HSF2BP: variants seen among roughly 807,000 people sequenced by gnomAD.
HSF2BP encodes the protein heat shock factor 2-binding protein.
In HSF2BP, 35 loss-of-function variants were observed where a neutral mutation model predicts 35.0. That is an observed-to-expected ratio of 1.00 (90% CI 0.76 to 1.32). HSF2BP has a LOEUF of 1.32. Among genes scored for constraint, HSF2BP ranks in the 40% most tolerant of loss-of-function variants. HSF2BP has a pLI of 0.00. For missense variants in HSF2BP, 326 were observed against 321.7 expected (o/e 1.01, Z -0.10); for synonymous variants, 114 against 117.4 (o/e 0.97, Z 0.18).
At chr21:43,643,814 C>T (rs936927262) in intron 4 of HSF2BP, among the ~76,000 whole-genome samples, 5 of 152,092 alleles carry the variant, frequency 3.3e-5, no homozygotes, top group African/African-American at 9.6e-5. Context: ...AAAACTTAGC[C>T]GGCCGTGGTG....
At chr21:43,624,799 G>A (rs1004046431) in intron 6 of HSF2BP, among the ~76,000 whole-genome samples, 2 of 152,116 alleles carry the variant, frequency 1.3e-5, no homozygotes, top group African/African-American at 4.8e-5. Context: ...AGGAAGTTAA[G>A]CAGTTAATCT....
chr21:43,580,546 C>T (rs2146702943), intron 8 of HSF2BP, among the ~76,000 whole-genome samples: 1 of 152,328 alleles, frequency 6.6e-6, no homozygotes, highest in South Asian at 2.1e-4. Flanking sequence ...GAAAGGCTGA[C>T]ACCTTTGTTC....
chr21:43,607,025 G>A (rs984713800), intron 7 of HSF2BP, among the ~76,000 whole-genome samples: 6 of 152,124 alleles, frequency 3.9e-5, no homozygotes, highest in Admixed American at 3.9e-4. Context: ...GGTGGCTCAA[G>A]CCTGTAGTCC....
intron 8 of HSF2BP, among the ~76,000 whole-genome samples, chr21:43,589,620 C>G (rs1161180040): frequency 6.6e-6 from 1 of 152,056 alleles, no homozygotes; most frequent in African/African-American, 2.4e-5. Context: ...TATTATAAAG[C>G]TATCAAGATT....
intron 4 of HSF2BP, among the ~76,000 whole-genome samples, chr21:43,642,022 G>T (rs1437187099): frequency 6.6e-6 from 1 of 151,974 alleles, no homozygotes; most frequent in Non-Finnish European, 1.5e-5. Flanking sequence ...AGGGCCAGGT[G>T]CAGTGGCCCA....
chr21:43,592,829 C>A (rs1045405265), intron 7 of HSF2BP, among the ~76,000 whole-genome samples: 3 of 152,190 alleles, frequency 2.0e-5, no homozygotes, highest in African/African-American at 7.2e-5. Flanking sequence ...CCATCCCTCA[C>A]AACCAACAGA....
intron 3 of HSF2BP, among the ~76,000 whole-genome samples, chr21:43,653,219 A>AAGGGAAGGGGAGGGG (rs2082818094): frequency 8.7e-6 from 1 of 115,296 alleles, no homozygotes; most frequent in East Asian, 3.0e-4. Context: ...AGGGAAGGGG[A>AAGGGAAGGGGAGGGG]AGGGAAGGGA....
At chr21:43,633,864 G>A (rs1182723677) in intron 4 of HSF2BP, among the ~76,000 whole-genome samples, 1 of 152,126 alleles carries the variant, frequency 6.6e-6, no homozygotes, top group Non-Finnish European at 1.5e-5. Flanking sequence ...ATCTGCCAGA[G>A]GCAGACACCA....
At chr21:43,634,289 G>A (rs1166646758) in intron 4 of HSF2BP, among the ~76,000 whole-genome samples, 3 of 152,156 alleles carry the variant, frequency 2.0e-5, no homozygotes, top group Non-Finnish European at 2.9e-5. Context: ...AGCACACTTC[G>A]AGGATTCACC....
At chr21:43,643,278 G>A (rs982747964) in intron 4 of HSF2BP, among the ~76,000 whole-genome samples, 5 of 151,604 alleles carry the variant, frequency 3.3e-5, no homozygotes, top group Admixed American at 6.6e-5. Flanking sequence ...TTTTTCCTCC[G>A]AGACTCTCAT....
At chr21:43,635,023 G>A (rs1435774850) in intron 4 of HSF2BP, among the ~76,000 whole-genome samples, 2 of 151,962 alleles carry the variant, frequency 1.3e-5, no homozygotes, top group Non-Finnish European at 2.9e-5. Flanking sequence ...GTCACATTTG[G>A]TAGTTGCAGG....
chr21:43,618,504 G>A (rs11911856), intron 6 of HSF2BP, among the ~76,000 whole-genome samples: 6,239 of 152,146 alleles, frequency 0.041, 440 homozygotes, highest in African/African-American at 0.14. Flanking sequence ...ACAAATCAAT[G>A]GAGAAATGAT....
chr21:43,615,867 A>G (rs1271980663), intron 6 of HSF2BP, among the ~76,000 whole-genome samples: 1 of 152,082 alleles, frequency 6.6e-6, no homozygotes. Flanking sequence ...ACTTCAGATA[A>G]TATACTGAAA....
chr21:43,653,496 G>C (rs2082824507), intron 3 of HSF2BP, among the ~76,000 whole-genome samples: 1 of 152,198 alleles, frequency 6.6e-6, no homozygotes, highest in Non-Finnish European at 1.5e-5. Flanking sequence ...CATTTCAAAG[G>C]AAGATTGATC....
At position 43,594,708 on chromosome 21, in the gene HSF2BP, TGGGAGGAAGGGAAGGAGGGAGACAGGGA is replaced by T. The variant is rs893187391; in HGVS notation, c.693-2408_693-2381del. On this transcript the variant is annotated intron_variant, in intron 7 of 8. Coordinates refer to ENST00000291560, the MANE Select transcript of HSF2BP (RefSeq NM_007031.2). ...GGAGAGAGAGAAGGAAGAAAGACGG[TGGGAGGAAGGGAAGGAGGGAGACAGGGA>T]GGGAGGAAGCGAGGGAGAAAGAGAG... 3.4e-4 allele frequency among the ~76,000 whole-genome samples: 49 copies of T among 144,896 alleles called. 1 individual carries two copies. The highest frequency in any genetic ancestry group is 1.1e-3 in the African/African-American group (44 of 38,908).
At chr21:43,605,374 GACACACACACC>G (rs1214356377) in intron 7 of HSF2BP, among the ~76,000 whole-genome samples, 31 of 86,612 alleles carry the variant, frequency 3.6e-4, no homozygotes, top group Admixed American at 8.0e-4. Flanking sequence ...CCCACCCCCC[GACACACACACC>G]ACACACACAC....
chr21:43,594,275 A>T (rs541550025), intron 7 of HSF2BP, among the ~76,000 whole-genome samples: 2 of 152,318 alleles, frequency 1.3e-5, no homozygotes, highest in Non-Finnish European at 1.5e-5. Context: ...ACGTTGGAAG[A>T]ATGTTCTGAG....
intron 8 of HSF2BP, among the ~76,000 whole-genome samples, chr21:43,587,348 C>G (rs1031738551): frequency 6.6e-5 from 10 of 152,072 alleles, no homozygotes; most frequent in African/African-American, 1.9e-4. Context: ...GTTGAAAGAA[C>G]CAGTAATTAT....
At chr21:43,632,381 CCCCCCACACACACACACT>C (rs2082489034) in intron 5 of HSF2BP, among the ~76,000 whole-genome samples, 1 of 100,150 alleles carries the variant, frequency 1.0e-5, no homozygotes, top group Non-Finnish European at 2.1e-5. Flanking sequence ...CACACGCTCC[CCCCCCACACACACACACT>C]CCCCCACACA....
Sources: allele counts gnomAD v4.1 joint callset (sites outside exome capture counted in the v4.1 genomes callset), GRCh38; gene constraint gnomAD v4.1.1; transcripts MANE v1.5; gene names NCBI Gene and HGNC (gene_info 2026-07-23, HGNC 2026-07-21).